The following PCM1 variants were observed in gnomAD, a reference collection of about 807,000 sequenced individuals.
The protein encoded by PCM1 is pericentriolar material 1 protein.
In PCM1, 157 loss-of-function variants were observed where a neutral mutation model predicts 241.9. The observed-to-expected ratio is 0.65, with a 90% confidence interval of 0.57 to 0.74. The LOEUF (loss-of-function observed/expected upper bound fraction) is 0.74. Ranked by LOEUF, PCM1 falls within the 30% of genes least tolerant of loss-of-function variation. The pLI is 0.00. For synonymous variants in PCM1, 1,085 were observed against 784.9 expected, an observed-to-expected ratio of 1.38 and a Z score of -6.39; for missense variants, 3,478 against 2,360.1, an observed-to-expected ratio of 1.47 and a Z score of -9.81.
At chr8:17,998,665 A>T (rs1348888504) in intron 29 of PCM1, among the ~76,000 whole-genome samples, 1 of 152,134 alleles carries the variant, frequency 6.6e-6, no homozygotes, top group Non-Finnish European at 1.5e-5. Flanking sequence ...TGTAACCACT[A>T]CCTGACTACC....
At position 17,980,740 on chromosome 8, in the gene PCM1, A is replaced by G. The variant is rs1412131326; in HGVS notation, c.4093A>G (p.Thr1365Ala). ...LEKIIKCNRS[T>A]EISSETGSDF... is the part of the protein sequence containing the mutation. The stretch of plus-strand genomic sequence containing the variant: ...AAAAATAATAAAATGTAATAGGTCT[A>G]CAGAAATATCTTCAGGTATGTTCTT... The change falls in exon 24 of 39, where the codon ACA becomes GCA. Residue 1365 changes from threonine (T) to alanine (A), a missense_variant. Coordinates refer to ENST00000325083, the MANE Select transcript of PCM1 (RefSeq NM_006197.4). 1.9e-6 allele frequency: 3 copies of G among 1,608,520 alleles called. No homozygotes were observed. The highest frequency in any genetic ancestry group is 1.7e-5 in the Admixed American group (1 of 59,900).
At position 18,006,339 on chromosome 8, in the gene PCM1, A is replaced by G; in HGVS notation, c.4904A>G (p.Asn1635Ser). The G allele has an allele frequency of 8.1e-6, 13 of 1,613,220 alleles. No individual in the cohort carries two copies. The highest frequency in any genetic ancestry group is 1.0e-5 in the Non-Finnish European group (12 of 1,179,318). ...ATGGTTTTGACCCTTACCCAGCAAA[A>G]TGATGAGAGCAAAGAGTTTGTAAAG... ...RRMVLTLTQQ[N>S]DESKEFVKFF... The change falls in exon 30 of 39, where the codon AAT becomes AGT. Residue 1635 changes from asparagine (N) to serine (S), a missense_variant. Physicochemically the swap from Asn to Ser is conservative, Grantham distance 46. Coordinates refer to ENST00000325083, the MANE Select transcript of PCM1 (RefSeq NM_006197.4).
chr8:17,990,546 T>C (rs2084255731), intron 27 of PCM1, among the ~76,000 whole-genome samples: 1 of 151,384 alleles, frequency 6.6e-6, no homozygotes, highest in African/African-American at 2.4e-5. Context: ...GAGGGTTGCC[T>C]GGCTGCAGTG....
At chr8:17,943,767 C>G (rs531819453) in intron 6 of PCM1, among the ~76,000 whole-genome samples, 3 of 152,056 alleles carry the variant, frequency 2.0e-5, no homozygotes, top group African/African-American at 7.2e-5. Flanking sequence ...ATTTTTTTCT[C>G]TACTCTGCAG....
chr8:18,000,134 T>C (rs574982396), intron 29 of PCM1, among the ~76,000 whole-genome samples: 1 of 152,320 alleles, frequency 6.6e-6, no homozygotes, highest in East Asian at 1.9e-4. Flanking sequence ...GAGATGTGAC[T>C]AAGGAGCCAG....
intron 9 of PCM1, 40 bp downstream of exon 9, chr8:17,953,226 A>T (rs2066742588): frequency 2.0e-6 from 2 of 1,023,368 alleles, no homozygotes; most frequent in Non-Finnish European, 2.9e-6. Flanking sequence ...TATAAGACAC[A>T]CAAGTATATA....
intron 29 of PCM1, among the ~76,000 whole-genome samples, chr8:18,000,950 C>A (rs1418727742): frequency 6.6e-6 from 1 of 152,156 alleles, no homozygotes; most frequent in African/African-American, 2.4e-5. Flanking sequence ...GTCTTTTAGA[C>A]AATCGTAGAG....
chr8:17,952,799 A>G (rs1204260550), intron 8 of PCM1, among the ~76,000 whole-genome samples, 171 bp from the exon 9 acceptor site: 1 of 152,178 alleles, frequency 6.6e-6, no homozygotes, highest in Non-Finnish European at 1.5e-5. Flanking sequence ...ATAGTGGCAT[A>G]TCAGGAAACC....
chr8:18,000,834 G>T (rs1320684676), intron 29 of PCM1, among the ~76,000 whole-genome samples: 1 of 152,050 alleles, frequency 6.6e-6, no homozygotes, highest in Non-Finnish European at 1.5e-5. Context: ...TGTTGACCAC[G>T]CTGACCTCAA....
intron 7 of PCM1, among the ~76,000 whole-genome samples, chr8:17,950,008 A>G (rs1268469012): frequency 6.6e-6 from 1 of 152,160 alleles, no homozygotes; most frequent in East Asian, 1.9e-4. Flanking sequence ...ATTTTACTGC[A>G]GGGGTCAGCA....
chr8:17,980,352 T>C, intron 23 of PCM1: 1 of 343,572 alleles, frequency 2.9e-6, no homozygotes, highest in Non-Finnish European at 5.2e-6. Context: ...AATTGGAATA[T>C]ACTCATTAAG....
chr8:17,932,764 A>G (rs1371464672), intron 2 of PCM1, among the ~76,000 whole-genome samples: 1 of 151,888 alleles, frequency 6.6e-6, no homozygotes, highest in Non-Finnish European at 1.5e-5. Flanking sequence ...GTTTTTAAAA[A>G]CCATTCAATT....
intron 23 of PCM1, among the ~76,000 whole-genome samples, chr8:17,975,110 T>C (rs964478827): frequency 6.6e-6 from 1 of 152,158 alleles, no homozygotes; most frequent in Non-Finnish European, 1.5e-5. Context: ...TTGGCAAGAT[T>C]TTTGGTATGA....
rs759056502 is a variant in PCM1 at position 17,952,964 on chromosome 8, A to G, written c.1072-6A>G. ...TTCTTCTTTTTTGTTGTTTTTTTTT[A>G]ATAAGCCTCCAGCTGTTCCAGACAA... On this transcript the variant is annotated splice_region_variant and splice_polypyrimidine_tract_variant and intron_variant, in intron 8 of 38. Transcript: ENST00000325083. 3 of 1,510,728 alleles carry G rather than the reference A, an allele frequency of 2.0e-6. No individual in the cohort carries two copies. The highest frequency in any genetic ancestry group is 1.3e-5 in the South Asian group (1 of 78,028). The allele number at this position is 1,510,728 out of a possible 1,614,324, so 93.6% of individuals were successfully genotyped here.
Position 17,993,517 on chromosome 8 carries a change from A to G in PCM1, c.4725A>G (p.Gln1575=), listed in dbSNP as rs1207085997. ...TPVIENRSSQ[Q]PVSEVSTIPC... ...TTATTGAAAATCGTAGTTCACAACA[A>G]CCTGTAAGTGAAGTTTCTACCATCC... Residue 1575 remains glutamine (Q), a synonymous_variant, in exon 29 of 39, where the codon CAA becomes CAG. Transcript: ENST00000325083. 1.9e-6 allele frequency: 3 copies of G among 1,584,450 alleles called. No homozygotes were observed.
rs1340168092 is a variant in PCM1, at chr8:17,957,266, A to G, written c.1649A>G (p.Asn550Ser). ...ENSEPVTNIR[N>S]PQVASTWNEV... ...TCAGGCTGTTTTCTTTCTTCTAGAA[A>G]TCCACAAGTAGCTTCCACTTGGAAT... Residue 550 changes from asparagine to serine, a missense_variant and splice_region_variant, in exon 12 of 39, where the codon AAT (asparagine) becomes AGT (serine). Transcript: ENST00000325083. The G allele has an allele frequency of 6.3e-7, 1 of 1,579,420 alleles. No individual in the cohort carries two copies. The highest frequency in any genetic ancestry group is 8.6e-7 in the Non-Finnish European group (1 of 1,162,660).
chr8:18,026,716 C>T (rs1405341559), intron 38 of PCM1, among the ~76,000 whole-genome samples: 2 of 151,960 alleles, frequency 1.3e-5, no homozygotes, highest in Admixed American at 6.6e-5. Flanking sequence ...TCTCAGTGTT[C>T]ATATTATTTT....
chr8:17,977,626 C>G (rs147899801), intron 23 of PCM1, among the ~76,000 whole-genome samples: 186 of 152,160 alleles, frequency 1.2e-3, no homozygotes, highest in African/African-American at 4.2e-3. Context: ...CCCCTTACCC[C>G]CAAGAGTAGC....
At chr8:17,929,893 T>A (rs1210866412) in intron 2 of PCM1, among the ~76,000 whole-genome samples, 1 of 152,206 alleles carries the variant, frequency 6.6e-6, no homozygotes, top group African/African-American at 2.4e-5. Context: ...TAATAAAAGT[T>A]ACAAGAATGT....
Sources: allele counts gnomAD v4.1 joint callset (sites outside exome capture counted in the v4.1 genomes callset), GRCh38; gene constraint gnomAD v4.1.1; transcripts MANE v1.5; gene names NCBI Gene and HGNC (gene_info 2026-07-23, HGNC 2026-07-21).